Variants in MMRN1 observed in about 807,000 individuals in gnomAD.
MMRN1 encodes multimerin 1, also known as multimerin-1.
Under a neutral mutation model 100.7 loss-of-function variants are expected in MMRN1, and 94 were observed. That is an observed-to-expected ratio of 0.93 (90% CI 0.79 to 1.11). The LOEUF (loss-of-function observed/expected upper bound fraction) is 1.11. Among genes scored for constraint, MMRN1 ranks in the 50% least tolerant of loss-of-function variants. The pLI, the probability that MMRN1 is intolerant of heterozygous loss-of-function variation, is 0.00. For synonymous variants in MMRN1, 575 were observed against 505.0 expected, an observed-to-expected ratio of 1.14 and a Z score of -1.86; for missense variants, 1,606 against 1,439.1, an observed-to-expected ratio of 1.12 and a Z score of -1.88.
At chr4:89,939,504 A>G (rs969581181) in intron 6 of MMRN1, among the ~76,000 whole-genome samples, 6 of 152,148 alleles carry the variant, frequency 3.9e-5, no homozygotes, top group African/African-American at 1.4e-4. Context: ...CAATATTCAT[A>G]ACTTCATTTA....
intron 3 of MMRN1, among the ~76,000 whole-genome samples, chr4:89,917,215 T>C (rs1464846198): frequency 1.3e-5 from 2 of 151,888 alleles, no homozygotes; most frequent in Non-Finnish European, 2.9e-5. Context: ...ATATGCAGCA[T>C]GTAATACTTT....
intron 1 of MMRN1, among the ~76,000 whole-genome samples, chr4:89,897,776 A>G (rs908959674): frequency 1.3e-5 from 2 of 152,284 alleles, no homozygotes; most frequent in Admixed American, 1.3e-4. Flanking sequence ...TTTGGGTTAC[A>G]CAGAATTTAA....
intron 6 of MMRN1, among the ~76,000 whole-genome samples, chr4:89,947,486 G>A (rs1014924652): frequency 6.6e-6 from 1 of 152,104 alleles, no homozygotes; most frequent in African/African-American, 2.4e-5. Flanking sequence ...CAGGCACTGT[G>A]CTAATAAGGT....
intron 1 of MMRN1, among the ~76,000 whole-genome samples, chr4:89,908,984 C>G (rs371806997): frequency 6.6e-6 from 1 of 151,408 alleles, no homozygotes; most frequent in Non-Finnish European, 1.5e-5. Context: ...CAAGAGCATT[C>G]TTGCATTTTG....
At chr4:89,929,184 G>C (rs1722358725) in intron 5 of MMRN1, among the ~76,000 whole-genome samples, 1 of 152,066 alleles carries the variant, frequency 6.6e-6, no homozygotes, top group Non-Finnish European at 1.5e-5. Flanking sequence ...CTGTTTGCAA[G>C]TTTCAGGATT....
intron 1 of MMRN1, among the ~76,000 whole-genome samples, chr4:89,881,384 T>C (rs1016866154): frequency 1.9e-4 from 29 of 152,214 alleles, no homozygotes; most frequent in African/African-American, 7.0e-4. Flanking sequence ...GTGGCCGTTT[T>C]CTAGTCATGA....
chr4:89,930,087 A>C (rs1349004899), intron 5 of MMRN1, among the ~76,000 whole-genome samples: 1 of 152,128 alleles, frequency 6.6e-6, no homozygotes, highest in Non-Finnish European at 1.5e-5. Context: ...GAAGCATATG[A>C]GTCACAGGAA....
chr4:89,933,559 G>A (rs995340599), intron 5 of MMRN1, among the ~76,000 whole-genome samples: 3 of 152,138 alleles, frequency 2.0e-5, no homozygotes, highest in Non-Finnish European at 2.9e-5. Context: ...ACATGGCTGG[G>A]GGAGCTTCAC....
intron 6 of MMRN1, among the ~76,000 whole-genome samples, chr4:89,947,454 T>G (rs1017415481): frequency 6.6e-6 from 1 of 152,242 alleles, no homozygotes; most frequent in Non-Finnish European, 1.5e-5. Flanking sequence ...TTTTTAAAAC[T>G]ACTTTAGTAT....
intron 6 of MMRN1, among the ~76,000 whole-genome samples, chr4:89,950,596 A>G (rs1174175517): frequency 6.6e-6 from 1 of 152,136 alleles, no homozygotes; most frequent in African/African-American, 2.4e-5. Flanking sequence ...ATGAGGTTGC[A>G]TATGCTTTAA....
intron 1 of MMRN1, among the ~76,000 whole-genome samples, chr4:89,883,120 A>G (rs1035996198): frequency 1.3e-5 from 2 of 152,072 alleles, no homozygotes; most frequent in African/African-American, 4.8e-5. Flanking sequence ...GCAGAATATT[A>G]TTTCATTGTA....
chr4:89,930,908 T>A (rs142761237), intron 5 of MMRN1, among the ~76,000 whole-genome samples: 9 of 152,240 alleles, frequency 5.9e-5, no homozygotes, highest in Admixed American at 5.9e-4. Flanking sequence ...GGTGTGATTA[T>A]CCATGTTATT....
intron 4 of MMRN1, among the ~76,000 whole-genome samples, chr4:89,926,163 C>T (rs896524186): frequency 2.0e-5 from 3 of 152,132 alleles, no homozygotes; most frequent in African/African-American, 7.2e-5. Context: ...ATTGCTAGAT[C>T]ATATGGTAGC....
intron 6 of MMRN1, among the ~76,000 whole-genome samples, chr4:89,947,656 A>C (rs1245690845): frequency 6.6e-6 from 1 of 152,158 alleles, no homozygotes; most frequent in African/African-American, 2.4e-5. Flanking sequence ...AACTAAAGTG[A>C]TTTACTCCTA....
chr4:89,912,044 C>A lies in MMRN1; in HGVS notation c.844C>A (p.Leu282Ile), dbSNP rs150568426. ...CPGYSGPKCQ[L>I]RAQEQQSLIH... The stretch of plus-strand genomic sequence containing the variant: ...TGGATACAGTGGGCCGAAATGTCAA[C>A]TAAGAGGTACACTCTAATATTAATA... Residue 282 changes from leucine (L) to isoleucine (I), a missense_variant, in exon 3 of 8, where the codon CTA becomes ATA. Transcript: ENST00000264790. 7.0e-6 allele frequency: 11 copies of A among 1,578,844 alleles called. No individual in the cohort carries two copies. Among genetic ancestry groups the A allele is most frequent in the Admixed American group, 3.5e-5 (2 of 56,660 alleles).
chr4:89,894,995 C>A lies in MMRN1; in HGVS notation c.24C>A (p.Val8=). The change falls in exon 1 of 8, where the codon GTC becomes GTA. Residue 8 remains valine, a synonymous_variant. Coordinates refer to ENST00000264790, the MANE Select transcript of MMRN1 (RefSeq NM_007351.3). ...AGATGAAGGGGGCAAGATTATTTGT[C>A]CTTCTTTCTAGTTTATGGAGTGGGG... The part of the protein sequence containing the change: MKGARLF[V]LLSSLWSGGI... 1 of 1,611,828 alleles carries A rather than the reference C, an allele frequency of 6.2e-7. No homozygotes were observed. Among genetic ancestry groups the A allele is most frequent in the South Asian group, 1.1e-5 (1 of 90,754 alleles).
intron 5 of MMRN1, among the ~76,000 whole-genome samples, chr4:89,932,733 G>A (rs527619593): frequency 1.3e-5 from 2 of 152,208 alleles, no homozygotes; most frequent in South Asian, 4.1e-4. Context: ...AGAGCACCAA[G>A]CCTTGAAACA....
chr4:89,938,904 T>C (rs1029575544), intron 6 of MMRN1, among the ~76,000 whole-genome samples: 1 of 152,034 alleles, frequency 6.6e-6, no homozygotes. Context: ...AATTCCCACG[T>C]GCAAGGTAGA....
At position 89,936,226 on chromosome 4, in the gene MMRN1, T is replaced by C. The variant is rs141785675; in HGVS notation, c.2546T>C (p.Leu849Pro). 1 of 1,605,470 alleles carries C rather than the reference T, an allele frequency of 6.2e-7. No individual in the cohort carries two copies. The highest frequency in any genetic ancestry group is 1.3e-5 in the African/African-American group (1 of 74,410). Residue 849 changes from leucine to proline, a missense_variant, in exon 6 of 8, where the codon CTC becomes CCC. Transcript: ENST00000264790. ...ATGAGTCATTTGGAAGAAAAACTAC[T>C]CTTAACTACCAAGATTTCCAAAAAT... is the stretch of plus-strand genomic sequence containing the variant. ...QNMSHLEEKL[L>P]LTTKISKNFE...
Sources: gnomAD v4.1 joint callset for allele counts (sites outside exome capture counted in the v4.1 genomes callset) on GRCh38, gnomAD v4.1.1 for gene constraint, MANE v1.5 for transcripts, NCBI Gene and HGNC (gene_info 2026-07-23, HGNC 2026-07-21) for gene names.